Variants in RAD51B observed in about 807,000 individuals in gnomAD.
RAD51B encodes the protein RAD51 paralog B.
RAD51B carries 38 observed loss-of-function variants against 42.2 expected under a neutral mutation model. The observed-to-expected ratio is 0.90, with a 90% CI of 0.70 to 1.18. The LOEUF is 1.18. Among genes scored for constraint, RAD51B ranks in the 50% most tolerant of loss-of-function variants. RAD51B has a pLI of 0.00. For synonymous variants in RAD51B, 154 were observed against 145.2 expected, an observed-to-expected ratio of 1.06 and a Z score of -0.43; for missense variants, 373 against 400.7, an observed-to-expected ratio of 0.93 and a Z score of 0.59.
intron 7 of RAD51B, among the ~76,000 whole-genome samples, chr14:68,061,416 CT>C (rs1303848117): frequency 6.6e-6 from 1 of 152,056 alleles, no homozygotes; most frequent in Non-Finnish European, 1.5e-5. Flanking sequence ...TTGTTTTTGT[CT>C]AATTTTGTGA....
exon 11 of RAD51B, chr14:68,594,945 G>A (rs1030517183): frequency 5.5e-6 from 6 of 1,083,660 alleles, no homozygotes; most frequent in Middle Eastern, 8.1e-4. Context: ...GGAAACAGGA[G>A]GTGAACTAAG....
At chr14:68,497,478 C>A in intron 10 of RAD51B, 2 of 1,061,806 alleles carry the variant, frequency 1.9e-6, no homozygotes, top group Non-Finnish European at 2.3e-6. Context: ...GTTCGTGGAA[C>A]ACATAGGTTT....
intron 7 of RAD51B, among the ~76,000 whole-genome samples, chr14:68,265,691 G>A (rs2080977724): frequency 6.6e-6 from 1 of 152,206 alleles, no homozygotes; most frequent in South Asian, 2.1e-4. Context: ...GGCGGAGGTT[G>A]CAATGAGCTG....
intron 7 of RAD51B, among the ~76,000 whole-genome samples, chr14:68,047,923 A>G (rs2076329041): frequency 6.6e-6 from 1 of 152,142 alleles, no homozygotes; most frequent in African/African-American, 2.4e-5. Flanking sequence ...AAAATGAAAT[A>G]TTTTTAACCG....
intron 11 of RAD51B, among the ~76,000 whole-genome samples, chr14:68,651,631 G>A (rs1280585137): frequency 4.6e-5 from 7 of 152,172 alleles, no homozygotes; most frequent in East Asian, 1.9e-4. Flanking sequence ...GGGAAATGCC[G>A]TTGCTGTGAC....
chr14:68,504,328 A>G (rs1885130041), intron 10 of RAD51B, among the ~76,000 whole-genome samples: 1 of 152,212 alleles, frequency 6.6e-6, no homozygotes, highest in South Asian at 2.1e-4. Flanking sequence ...TCAGGCCTCC[A>G]CTTTGGCCTG....
intron 7 of RAD51B, among the ~76,000 whole-genome samples, chr14:68,272,684 T>C (rs1033656342): frequency 2.0e-5 from 1 of 50,874 alleles, no homozygotes; most frequent in Non-Finnish European, 4.0e-5. Flanking sequence ...TTTTTTTTTT[T>C]TTTTTTTTTT....
At chr14:68,369,017 A>G (rs3784113) in intron 8 of RAD51B, among the ~76,000 whole-genome samples, 68,029 of 151,944 alleles carry the variant, frequency 0.45, 16,899 homozygotes, top group South Asian at 0.58. Context: ...ACAGTGAGAT[A>G]GCAACCACAA....
chr14:68,486,432 C>G (rs1189563256), intron 10 of RAD51B, among the ~76,000 whole-genome samples: 1 of 152,194 alleles, frequency 6.6e-6, no homozygotes, highest in Non-Finnish European at 1.5e-5. Context: ...CATCCCAGCA[C>G]CATCGTCCAA....
intron 8 of RAD51B, among the ~76,000 whole-genome samples, chr14:68,361,981 A>T (rs2083035408): frequency 6.6e-6 from 1 of 152,032 alleles, no homozygotes; most frequent in Non-Finnish European, 1.5e-5. Flanking sequence ...TGGCCCCTTG[A>T]AGTCTTTATA....
intron 10 of RAD51B, among the ~76,000 whole-genome samples, chr14:68,644,536 A>G (rs1892527251): frequency 6.6e-6 from 1 of 152,232 alleles, no homozygotes; most frequent in Non-Finnish European, 1.5e-5. Flanking sequence ...GCCTAGAAAC[A>G]GGGCCCAGAT....
chr14:68,239,956 A>AT (rs2080347283), intron 7 of RAD51B, among the ~76,000 whole-genome samples: 1 of 152,192 alleles, frequency 6.6e-6, no homozygotes, highest in Non-Finnish European at 1.5e-5. Context: ...ACTGTTCCTT[A>AT]TTTTTACACA....
intron 10 of RAD51B, chr14:68,563,616 G>T (rs942924732): frequency 7.1e-6 from 7 of 985,454 alleles, no homozygotes; most frequent in Admixed American, 1.2e-4. Context: ...CTGCCTGCAA[G>T]GGGTGAGATT....
At chr14:68,514,515 C>T (rs1885987825) in intron 10 of RAD51B, among the ~76,000 whole-genome samples, 1 of 152,232 alleles carries the variant, frequency 6.6e-6, no homozygotes, top group Admixed American at 6.5e-5. Context: ...CAGCTCCAGG[C>T]CCCGGCTTCC....
At chr14:68,471,246 A>T (rs1381013364) in intron 10 of RAD51B, among the ~76,000 whole-genome samples, 10 of 152,152 alleles carry the variant, frequency 6.6e-5, no homozygotes, top group Non-Finnish European at 7.3e-5. Context: ...TTCGGTCTTC[A>T]ATAGAGCCAC....
intron 11 of RAD51B, among the ~76,000 whole-genome samples, chr14:68,653,297 G>A (rs565822406): frequency 1.5e-4 from 23 of 152,296 alleles, no homozygotes; most frequent in Non-Finnish European, 2.6e-4. Flanking sequence ...AGACTGTAGC[G>A]TACTATGAGC....
At position 68,314,994 on chromosome 14, in the gene RAD51B, A is replaced by G. The variant is rs74554045; in HGVS notation, c.853+23014A>G. Reference sequence around the variant, plus strand: ...TCAACCAAGAAGATCAACTCTCCACATGTAAAGTTAACTCCCTTTAGTTTT... The same window carrying G: ...TCAACCAAGAAGATCAACTCTCCACGTGTAAAGTTAACTCCCTTTAGTTTT... On this transcript the variant is annotated intron_variant, in intron 8 of 10. Coordinates refer to ENST00000471583, the MANE Select transcript of RAD51B (RefSeq NM_133510.4). 3.9e-3 allele frequency among the ~76,000 whole-genome samples: 600 copies of G among 152,314 alleles called. 10 individuals are homozygous for G. In the East Asian group the frequency reaches 0.056, roughly 14 times the overall value.
intron 7 of RAD51B, among the ~76,000 whole-genome samples, chr14:67,938,245 G>T (rs2045029123): frequency 6.6e-6 from 1 of 152,166 alleles, no homozygotes; most frequent in African/African-American, 2.4e-5. Flanking sequence ...GATTCTTTAT[G>T]TTGATGTCTT....
At chr14:68,419,094 C>T (rs1340195443) in intron 9 of RAD51B, among the ~76,000 whole-genome samples, 3 of 152,120 alleles carry the variant, frequency 2.0e-5, no homozygotes, top group Admixed American at 1.3e-4. Context: ...CTAGGATCTG[C>T]AGTTTTTAGC....
Sources: allele counts gnomAD v4.1 joint callset (sites outside exome capture counted in the v4.1 genomes callset), GRCh38; gene constraint gnomAD v4.1.1; transcripts MANE v1.5; gene names NCBI Gene and HGNC (gene_info 2026-07-23, HGNC 2026-07-21).